MIGA2: variants seen among roughly 807,000 people sequenced by gnomAD.
MIGA2 encodes the protein family with sequence similarity 73, member B.
Under a neutral mutation model 69.9 loss-of-function variants are expected in MIGA2, and 36 were observed. The ratio of observed to expected loss-of-function variants is 0.52; its 90% CI spans 0.39 to 0.68. The LOEUF (loss-of-function observed/expected upper bound fraction) is 0.68, where lower values mean the gene tolerates loss of function less well. Among genes scored for constraint, MIGA2 ranks in the 30% least tolerant of loss-of-function variants. MIGA2 has a pLI of 0.00. For synonymous variants in MIGA2, 333 were observed against 349.2 expected (o/e 0.95, Z 0.52); for missense variants, 660 against 787.7 (o/e 0.84, Z 1.94).
At chr9:129,067,928 A>G in intron 12 of MIGA2, 57 bp downstream of exon 12, 1 of 1,551,748 alleles carries the variant, frequency 6.4e-7, no homozygotes, top group South Asian at 1.2e-5. Flanking sequence ...CTGAGCAGCA[A>G]GGGGGTTCTT....
Position 129,059,169 on chromosome 9 carries a change from A to C in MIGA2, c.691A>C (p.Lys231Gln). The part of the protein sequence containing the change: ...EPLSEPESQR[K>Q]EFAEKLESLL... Reference sequence around the variant, plus strand: ...TTTATGGCAGCCAGAGTCACAGCGGAAGGAGTTTGCAGAGAAGCTGGAGTC... The same window carrying C: ...TTTATGGCAGCCAGAGTCACAGCGGCAGGAGTTTGCAGAGAAGCTGGAGTC... The change falls in exon 7 of 16, where the codon AAG becomes CAG. Residue 231 changes from lysine (K) to glutamine (Q), a missense_variant. This residue lies in a region of MIGA2 where 386 missense variants were observed against 402.0 expected (regional missense o/e 0.96). Coordinates refer to ENST00000684074, the MANE Select transcript of MIGA2 (RefSeq NM_001329990.2). The surrounding 1 kb of genome is among the most constrained non-coding windows in gnomAD (Gnocchi z 5.6). 6.2e-7 allele frequency: 1 copy of C among 1,613,346 alleles called. No homozygotes were observed. The highest frequency in any genetic ancestry group is 1.1e-5 in the South Asian group (1 of 90,968).
intron 11 of MIGA2, 129 bp from the exon 12 acceptor site, chr9:129,067,644 C>A: frequency 2.6e-6 from 2 of 780,396 alleles, no homozygotes; most frequent in Non-Finnish European, 4.2e-6. Context: ...ACTTCTCTGC[C>A]ACGTTTTCTC....
chr9:129,045,708 G>A (rs1420758742), intron 3 of MIGA2, among the ~76,000 whole-genome samples: 2 of 151,934 alleles, frequency 1.3e-5, no homozygotes, highest in African/African-American at 4.8e-5. Flanking sequence ...AGGAATTCAA[G>A]ACCAGCCTGG....
intron 15 of MIGA2, 114 bp from the exon 16 acceptor site, chr9:129,070,133 G>A: frequency 7.5e-7 from 1 of 1,328,352 alleles, no homozygotes; most frequent in South Asian, 1.3e-5. Context: ...GGAGCCTGGG[G>A]ATGGAAAGGA....
rs1846626227 is a variant in MIGA2 at position 129,070,546 on chromosome 9, C to T, written c.*93C>T. On this transcript the variant is annotated 3_prime_UTR_variant, in exon 16 of 16. Coordinates refer to ENST00000684074, the MANE Select transcript of MIGA2 (RefSeq NM_001329990.2). ...GCTGTGGTGGCTGAGGGCCGTTGCC[C>T]CTGACTTTGCCCCACCCCCATCATC... 1.5e-6 allele frequency: 2 copies of T among 1,351,064 alleles called. No individual in the cohort carries two copies. The highest frequency in any genetic ancestry group is 5.1e-5 in the East Asian group (2 of 39,558). 83.7% of individuals were successfully genotyped at this position (1,351,064 alleles called of 1,614,324 possible).
At chr9:129,054,923 G>A (rs1420285340) in intron 6 of MIGA2, among the ~76,000 whole-genome samples, 2 of 152,052 alleles carry the variant, frequency 1.3e-5, no homozygotes, top group South Asian at 2.1e-4. Context: ...ACGGAGTCTC[G>A]CTCTGTCGCC....
At chr9:129,049,324 C>T (rs986569312) in intron 4 of MIGA2, 57 bp from the exon 5 acceptor site, 4 of 1,546,110 alleles carry the variant, frequency 2.6e-6, no homozygotes, top group Non-Finnish European at 2.7e-6. Flanking sequence ...CTCAGGGGGG[C>T]CCTGCAGAGA....
chr9:129,038,448 C>T (rs1007061223), intron 1 of MIGA2, among the ~76,000 whole-genome samples: 19 of 152,068 alleles, frequency 1.2e-4, no homozygotes, highest in Non-Finnish European at 2.4e-4. Flanking sequence ...AGGACCCTGC[C>T]GGGTCTTGGG....
At chr9:129,038,353 G>T (rs890374184) in intron 1 of MIGA2, among the ~76,000 whole-genome samples, 1 of 152,140 alleles carries the variant, frequency 6.6e-6, no homozygotes, top group Non-Finnish European at 1.5e-5. Flanking sequence ...AGGGAGACAG[G>T]GTCTGTCCTG....
chr9:129,045,405 G>T (rs1379426121), intron 3 of MIGA2, among the ~76,000 whole-genome samples: 1 of 129,686 alleles, frequency 7.7e-6, no homozygotes, highest in Non-Finnish European at 1.5e-5. Flanking sequence ...TCACACCACT[G>T]CACTCCAGCC....
chr9:129,052,075 C>T (rs1020057228), intron 6 of MIGA2, among the ~76,000 whole-genome samples: 1 of 152,108 alleles, frequency 6.6e-6, no homozygotes, highest in Non-Finnish European at 1.5e-5. Context: ...ATCCGCCCGC[C>T]TCGGCCTCCC....
At position 129,068,079 on chromosome 9, in the gene MIGA2, G is replaced by A. The variant is rs191959150; in HGVS notation, c.1270-119G>A. On this transcript the variant is annotated intron_variant, in intron 12 of 15. Transcript: ENST00000684074. This position sits in a 1 kb window ranked among gnomAD's most constrained non-coding sequence, Gnocchi z 4.1. ...CGTTGCACAGCAGAGCGGGAAAGACGTGTCCCCCCCACGTGTGCTCATGCC... is the reference window on the plus strand; with the variant it reads ...CGTTGCACAGCAGAGCGGGAAAGACATGTCCCCCCCACGTGTGCTCATGCC... The A allele has an allele frequency of 6.9e-6, 10 of 1,439,784 alleles. No individual in the cohort carries two copies. The highest frequency in any genetic ancestry group is 2.3e-5 in the East Asian group (1 of 43,842). 89.2% of individuals were successfully genotyped at this position (1,439,784 alleles called of 1,614,324 possible).
At chr9:129,065,737 C>T (rs1055114871) in intron 11 of MIGA2, among the ~76,000 whole-genome samples, 1 of 152,170 alleles carries the variant, frequency 6.6e-6, no homozygotes, top group Non-Finnish European at 1.5e-5. Flanking sequence ...GGAAGCCCCC[C>T]ACACCACTTT....
In MIGA2 at chr9:129,059,445, G is replaced by A. The variant is rs546931216; in HGVS notation, c.793+174G>A. Among the ~76,000 whole-genome samples, 1 of 152,302 alleles carries A rather than the reference G, an allele frequency of 6.6e-6. No homozygotes were observed. The highest frequency in any genetic ancestry group is 1.5e-5 in the Non-Finnish European group (1 of 68,036). On this transcript the variant is annotated intron_variant, in intron 7 of 15. Coordinates refer to ENST00000684074, the MANE Select transcript of MIGA2 (RefSeq NM_001329990.2). The surrounding 1 kb of genome is among the most constrained non-coding windows in gnomAD (Gnocchi z 5.6). The stretch of plus-strand genomic sequence containing the variant: ...TTATGGCACAGATGGGGAAACTGAG[G>A]TGTTCCCTTCTCCATGGCAGGCTGG...
At chr9:129,064,301 G>C (rs1324470560) in intron 11 of MIGA2, among the ~76,000 whole-genome samples, 1 of 151,790 alleles carries the variant, frequency 6.6e-6, no homozygotes, top group Non-Finnish European at 1.5e-5. Flanking sequence ...CCGCCTCCCG[G>C]GTTCACACCA....
Position 129,069,029 on chromosome 9 carries a change from G to T in MIGA2, c.1405-47G>T, listed in dbSNP as rs751969388. ...GGCTGGCAGAGGGCGAGGGGCTGTG[G>T]GCTAGGCCCATTTTGACACCCGGGG... On this transcript the variant is annotated intron_variant, in intron 13 of 15. Transcript: ENST00000684074. The surrounding 1 kb of genome is among the most constrained non-coding windows in gnomAD (Gnocchi z 4.9). 1.2e-6 allele frequency: 2 copies of T among 1,611,752 alleles called. No individual in the cohort carries two copies. The highest frequency in any genetic ancestry group is 2.7e-5 in the African/African-American group (2 of 74,884).
At chr9:129,053,406 C>G (rs7853838) in intron 6 of MIGA2, among the ~76,000 whole-genome samples, 6,327 of 151,740 alleles carry the variant, frequency 0.042, 278 homozygotes, top group African/African-American at 0.11. Flanking sequence ...TTTTGTTGCC[C>G]AGGCTGGAGT....
rs1445215660 is a variant in MIGA2, at chr9:129,070,500, T to G, written c.*47T>G. ...GGCAGAGAGAAGGCTCCTCCTCCCT[T>G]CCCTGGGTTGGTATCTGACAGCTGT... is the stretch of plus-strand genomic sequence containing the variant. On this transcript the variant is annotated 3_prime_UTR_variant, in exon 16 of 16. Transcript: ENST00000684074. 5 of 1,465,942 alleles carry G rather than the reference T, an allele frequency of 3.4e-6. No individual in the cohort carries two copies. Among genetic ancestry groups the G allele is most frequent in the Non-Finnish European group, 3.6e-6 (4 of 1,106,632 alleles). 90.8% of individuals were successfully genotyped at this position (1,465,942 alleles called of 1,614,324 possible).
At chr9:129,040,819 A>G in intron 2 of MIGA2, 129 bp downstream of exon 2, 1 of 735,890 alleles carries the variant, frequency 1.4e-6, no homozygotes, top group Non-Finnish European at 2.1e-6. Context: ...TCCTCTTTGG[A>G]CTGGGTTTGT....
Sources: allele counts gnomAD v4.1 joint callset (sites outside exome capture counted in the v4.1 genomes callset), GRCh38; gene constraint gnomAD v4.1.1; regional missense constraint gnomAD v4.1.1; non-coding constraint Gnocchi (gnomAD v3.1); transcripts MANE v1.5; gene names NCBI Gene and HGNC (gene_info 2026-07-23, HGNC 2026-07-21).